Variants in WIPF2 observed in about 807,000 individuals in gnomAD.
WIPF2 encodes the protein WAS/WASL interacting protein family member 2.
WIPF2 carries 23 observed loss-of-function variants against 38.8 expected under a neutral mutation model. The ratio of observed to expected loss-of-function variants is 0.59; its 90% CI spans 0.43 to 0.84. The LOEUF (loss-of-function observed/expected upper bound fraction) is 0.84, where lower values mean the gene tolerates loss of function less well. WIPF2 is among the 40% of genes least tolerant of loss of function. The pLI is 0.00. For missense variants in WIPF2, 574 were observed against 580.5 expected, an observed-to-expected ratio of 0.99 and a Z score of 0.11; for synonymous variants, 210 against 223.2, an observed-to-expected ratio of 0.94 and a Z score of 0.53.
At chr17:40,234,705 C>T (rs1238318540) in intron 1 of WIPF2, among the ~76,000 whole-genome samples, 3 of 152,114 alleles carry the variant, frequency 2.0e-5, no homozygotes, top group African/African-American at 7.2e-5. Flanking sequence ...GCTGGAAGAG[C>T]ATAGATCAGG....
chr17:40,237,687 C>T (rs1301977013), intron 1 of WIPF2, among the ~76,000 whole-genome samples: 1 of 150,750 alleles, frequency 6.6e-6, no homozygotes, highest in South Asian at 2.1e-4. Context: ...ACTCTGTCGC[C>T]CAGGCTGGAG....
In WIPF2 at chr17:40,260,585, C is replaced by T. The variant is rs538962143; in HGVS notation, c.114C>T (p.Gly38=). 8.1e-6 allele frequency: 13 copies of T among 1,613,702 alleles called. No individual in the cohort carries two copies. The Admixed American group carries it at 1.3e-4, about 17-fold the overall frequency. ...GTAGAGATGAGCAGCGGGGTCGAGG[C>T]GCCCTCTTACAGGACATTTGCAAAG... ...KLSRDEQRGR[G]ALLQDICKGT... is the part of the protein sequence containing the mutation. The change falls in exon 3 of 8, where the codon GGC becomes GGT. Residue 38 remains glycine (G), a synonymous_variant. Coordinates refer to ENST00000323571, the MANE Select transcript of WIPF2 (RefSeq NM_133264.5).
Position 40,272,311 on chromosome 17 carries a change from G to T in WIPF2, c.971-1479G>T, listed in dbSNP as rs148259086. 1.8e-3 allele frequency among the ~76,000 whole-genome samples: 268 copies of T among 152,228 alleles called. 2 individuals are homozygous for T. Among genetic ancestry groups the T allele is most frequent in the African/African-American group, 6.2e-3 (257 of 41,538 alleles). ...TGGGATTACAGGCGTGAGCCACCGT[G>T]CCTGGCATAGGTATGAATATTTTCA... is the stretch of plus-strand genomic sequence containing the variant. On this transcript the variant is annotated intron_variant, in intron 5 of 7. Transcript: ENST00000323571.
chr17:40,272,788 A>G (rs2032286344), intron 5 of WIPF2, among the ~76,000 whole-genome samples: 1 of 152,200 alleles, frequency 6.6e-6, no homozygotes, highest in African/African-American at 2.4e-5. Context: ...CATTTGGCTG[A>G]ACTTGGGAAC....
intron 7 of WIPF2, among the ~76,000 whole-genome samples, chr17:40,277,722 CCTT>C (rs1276514232): frequency 3.0e-5 from 3 of 99,590 alleles, no homozygotes; most frequent in Admixed American, 1.8e-4. Flanking sequence ...TCTTCGTTGT[CCTT>C]TTTTTTTTTT....
At chr17:40,229,307 C>G (rs183818722) in intron 1 of WIPF2, among the ~76,000 whole-genome samples, 22 of 152,108 alleles carry the variant, frequency 1.4e-4, no homozygotes, top group Non-Finnish European at 1.5e-5. Flanking sequence ...GACGGGGTTT[C>G]TCCTTATTAG....
intron 1 of WIPF2, chr17:40,220,610 TATATATATGTATATATATATA>T (rs1567705882): frequency 5.0e-5 from 6 of 121,200 alleles, no homozygotes; most frequent in Admixed American, 1.8e-4. Context: ...TATATATATA[TATATATATGTATATATATATA>T]TTTTTTTGTT....
intron 1 of WIPF2, among the ~76,000 whole-genome samples, chr17:40,229,478 AGTGG>A (rs2030652461): frequency 6.6e-6 from 1 of 151,856 alleles, no homozygotes. Flanking sequence ...GCTGGAGTGC[AGTGG>A]CATGATCTTG....
In WIPF2 at chr17:40,259,607, T is replaced by G. The variant is rs192303795; in HGVS notation, c.64-928T>G. ...TTGGAATGGGAATAATATAGTTTAC[T>G]GTATAACTTTATTTAGAGGTTAAAT... On this transcript the variant is annotated intron_variant, in intron 2 of 7. Transcript: ENST00000323571. 2.4e-3 allele frequency among the ~76,000 whole-genome samples: 372 copies of G among 152,314 alleles called. 7 individuals are homozygous for G. In the South Asian group the frequency reaches 0.045, roughly 18 times the overall value.
At chr17:40,252,818 C>CA (rs1407885595) in intron 1 of WIPF2, among the ~76,000 whole-genome samples, 1 of 151,168 alleles carries the variant, frequency 6.6e-6, no homozygotes, top group Admixed American at 6.6e-5. Flanking sequence ...GGCTGGAGTA[C>CA]AATGGCGCGA....
intron 2 of WIPF2, 125 bp from the exon 3 acceptor site, chr17:40,260,410 C>T (rs2031860211): frequency 8.7e-7 from 1 of 1,147,052 alleles, no homozygotes; most frequent in South Asian, 1.5e-5. Context: ...TGGTCTGGAA[C>T]TCCTGACTTC....
intron 5 of WIPF2, among the ~76,000 whole-genome samples, chr17:40,268,375 C>T (rs756034352): frequency 4.0e-5 from 6 of 151,180 alleles, no homozygotes; most frequent in Non-Finnish European, 7.4e-5. Context: ...TCAGGTTTGA[C>T]TTTTTTTTTA....
At chr17:40,236,099 T>C (rs1040046778) in intron 1 of WIPF2, among the ~76,000 whole-genome samples, 1 of 151,260 alleles carries the variant, frequency 6.6e-6, no homozygotes, top group Non-Finnish European at 1.5e-5. Context: ...GTTGCTGGGA[T>C]TATAGGCATC....
chr17:40,277,574 G>A (rs796282286), intron 7 of WIPF2, among the ~76,000 whole-genome samples: 2 of 151,746 alleles, frequency 1.3e-5, no homozygotes, highest in Non-Finnish European at 2.9e-5. Context: ...CCAGCTACTC[G>A]GGAGGCTGAG....
chr17:40,263,559 C>T (rs959784889), intron 4 of WIPF2, among the ~76,000 whole-genome samples: 51 of 126,092 alleles, frequency 4.0e-4, no homozygotes, highest in Non-Finnish European at 6.9e-4. Context: ...CCCCCCCCCC[C>T]GCAAATGGAG....
chr17:40,236,263 C>T (rs1326281310), intron 1 of WIPF2, among the ~76,000 whole-genome samples: 1 of 150,474 alleles, frequency 6.6e-6, no homozygotes, highest in Non-Finnish European at 1.5e-5. Flanking sequence ...GTCAACTGTG[C>T]CCAGCCTAGA....
intron 2 of WIPF2, among the ~76,000 whole-genome samples, chr17:40,257,606 T>G (rs1465673777): frequency 1.3e-5 from 2 of 151,126 alleles, no homozygotes; most frequent in African/African-American, 4.9e-5. Context: ...TGAGGCCAGG[T>G]GTGGTGACAA....
At position 40,260,536 on chromosome 17, in the gene WIPF2, C is replaced by T. The variant is rs756119203; in HGVS notation, c.65C>T (p.Ala22Val). ...ACTTATATTTCTCTTATCCTCCAGG[C>T]AAACACAGAGCAGCCCAAGCTGAGT... ...GPPPPPTFHQ[A>V]NTEQPKLSRD... Residue 22 changes from alanine (A) to valine (V), a missense_variant and splice_region_variant, in exon 3 of 8, where the codon GCA becomes GTA. Physicochemically the swap from Ala to Val is moderately conservative, Grantham distance 64 (BLOSUM62 0). Coordinates refer to ENST00000323571, the MANE Select transcript of WIPF2 (RefSeq NM_133264.5). 2 of 1,613,778 alleles carry T rather than the reference C, an allele frequency of 1.2e-6. No individual in the cohort carries two copies. Among genetic ancestry groups the T allele is most frequent in the South Asian group, 2.2e-5 (2 of 91,068 alleles).
intron 1 of WIPF2, among the ~76,000 whole-genome samples, chr17:40,231,365 T>C (rs997488278): frequency 6.6e-6 from 1 of 152,090 alleles, no homozygotes; most frequent in African/African-American, 2.4e-5. Flanking sequence ...GGCCTTTTCT[T>C]AGTGGGGACT....
Sources: allele counts gnomAD v4.1 joint callset (sites outside exome capture counted in the v4.1 genomes callset), GRCh38; gene constraint gnomAD v4.1.1; transcripts MANE v1.5; gene names NCBI Gene and HGNC (gene_info 2026-07-23, HGNC 2026-07-21).